WDR12: variants seen among roughly 807,000 people sequenced by gnomAD.
WDR12 encodes ribosome biogenesis protein WDR12.
Under a neutral mutation model 64.3 loss-of-function variants are expected in WDR12, and 42 were observed. The ratio of observed to expected loss-of-function variants is 0.65; its 90% confidence interval spans 0.51 to 0.84. The LOEUF is 0.84. WDR12 is among the 40% of genes least tolerant of loss of function. WDR12 has a pLI of 0.00. For synonymous variants in WDR12, 158 were observed against 173.3 expected, an observed-to-expected ratio of 0.91 and a Z score of 0.70; for missense variants, 469 against 494.6, an observed-to-expected ratio of 0.95 and a Z score of 0.49.
intron 6 of WDR12, among the ~76,000 whole-genome samples, chr2:202,895,746 TCTTGAA>T (rs1397396924): frequency 1.3e-5 from 2 of 150,052 alleles, no homozygotes; most frequent in Non-Finnish European, 3.0e-5. Context: ...GTCAGGCTGG[TCTTGAA>T]CTCCTGACCT....
Position 202,890,334 on chromosome 2 carries a change from T to C in WDR12, c.741+2283A>G, listed in dbSNP as rs1688132779. On this transcript the variant is annotated intron_variant, in intron 8 of 12. Transcript: ENST00000261015. ...ATGAAATTTTAAAAATAGGTAAAACTAATCTAAGATGGCACAACTCAAAAG... is the reference window on the plus strand; with the variant it reads ...ATGAAATTTTAAAAATAGGTAAAACCAATCTAAGATGGCACAACTCAAAAG... 3.9e-5 allele frequency among the ~76,000 whole-genome samples: 6 copies of C among 152,176 alleles called. No individual in the cohort carries two copies. In the South Asian group the frequency reaches 1.2e-3, roughly 31 times the overall value.
At chr2:202,887,594 A>C (rs1267065877) in intron 8 of WDR12, among the ~76,000 whole-genome samples, 2 of 152,314 alleles carry the variant, frequency 1.3e-5, no homozygotes, top group African/African-American at 4.8e-5. Context: ...CTAGAATAGA[A>C]AATGACATGG....
intron 1 of WDR12, among the ~76,000 whole-genome samples, chr2:202,909,433 CAA>C (rs1011534097): frequency 7.9e-5 from 12 of 152,058 alleles, no homozygotes; most frequent in Non-Finnish European, 1.8e-4. Context: ...AAGCCAGTCA[CAA>C]AAGATCACAT....
chr2:202,903,443 A>AAGGAAGGAAG, intron 2 of WDR12, among the ~76,000 whole-genome samples: 1 of 115,298 alleles, frequency 8.7e-6, no homozygotes, highest in African/African-American at 3.6e-5. Context: ...TAGAGCAATC[A>AAGGAAGGAAG]GATGGAAGGA....
chr2:202,900,025 GA>G (rs1323317000), intron 3 of WDR12, among the ~76,000 whole-genome samples: 1 of 152,052 alleles, frequency 6.6e-6, no homozygotes, highest in Non-Finnish European at 1.5e-5. Context: ...AAATGGGGGG[GA>G]AAGGAATATA....
intron 12 of WDR12, among the ~76,000 whole-genome samples, chr2:202,881,836 A>T (rs1284639533): frequency 6.6e-6 from 1 of 152,088 alleles, no homozygotes; most frequent in African/African-American, 2.4e-5. Context: ...CCTGGGCAAT[A>T]AAGGACCTTG....
intron 3 of WDR12, among the ~76,000 whole-genome samples, chr2:202,900,781 CAA>C (rs1357318703): frequency 6.6e-6 from 1 of 151,732 alleles, no homozygotes; most frequent in African/African-American, 2.4e-5. Flanking sequence ...AACACTCTCA[CAA>C]AAAAAGAGGG....
At chr2:202,881,007 TAATTA>T in intron 12 of WDR12, 70 bp from the exon 13 acceptor site, 3 of 1,302,358 alleles carry the variant, frequency 2.3e-6, no homozygotes, top group Non-Finnish European at 3.1e-6. Context: ...TAGCTAAACC[TAATTA>T]AATACTAATG....
intron 8 of WDR12, among the ~76,000 whole-genome samples, chr2:202,885,307 C>A (rs558282765): frequency 6.1e-4 from 93 of 152,260 alleles, no homozygotes; most frequent in African/African-American, 2.1e-3. Flanking sequence ...TTTCATGTAA[C>A]GTGTTGCGTG....
intron 1 of WDR12, among the ~76,000 whole-genome samples, chr2:202,908,944 T>C (rs1382920880): frequency 6.6e-6 from 1 of 152,222 alleles, no homozygotes; most frequent in Non-Finnish European, 1.5e-5. Context: ...GACATGCAAA[T>C]GCTCATCATT....
rs879396007 is a variant in WDR12 at position 202,880,766 on chromosome 2, AG to A, written c.*93del. 3 of 1,075,568 alleles carry A rather than the reference AG, an allele frequency of 2.8e-6. No individual in the cohort carries two copies. In the African/African-American group the frequency reaches 4.8e-5, roughly 17 times the overall value. 66.6% of individuals were successfully genotyped at this position (1,075,568 alleles called of 1,614,324 possible). ...GTGAAAACATTATATAAACTTCAAA[AG>A]GCTGCTTTCTGCATCTGCATCTATG... On this transcript the variant is annotated 3_prime_UTR_variant, in exon 13 of 13. Transcript: ENST00000261015.
chr2:202,894,686 C>CTGTTGTAGGCA, intron 6 of WDR12, 60 bp from the exon 7 acceptor site: 13 of 1,407,420 alleles, frequency 9.2e-6, no homozygotes, highest in Non-Finnish European at 1.3e-5. Flanking sequence ...TATTTGCCTA[C>CTGTTGTAGGCA]AACAGTAGGT....
At chr2:202,902,063 A>G (rs545206800) in intron 2 of WDR12, among the ~76,000 whole-genome samples, 2 of 152,322 alleles carry the variant, frequency 1.3e-5, no homozygotes, top group South Asian at 4.1e-4. Flanking sequence ...GAGAACCAAT[A>G]CTGTACTTAC....
At position 202,876,308 on chromosome 2, in the gene WDR12, C is replaced by T. The variant is rs1168211630; in HGVS notation, c.*4552G>A. 1 of 152,188 alleles carries T rather than the reference C, an allele frequency of 6.6e-6. No homozygotes were observed. The highest frequency in any genetic ancestry group is 1.5e-5 in the Non-Finnish European group (1 of 68,046). 9.4% of individuals were successfully genotyped at this position (152,188 alleles called of 1,614,324 possible). A position where few individuals can be genotyped will look rare whatever the true frequency, so the allele number is the denominator to read the frequency against. ...TCAGGAAGCTGGGGCAGGAGGATCC[C>T]TTGAACCCAGGAGTTGAGCCTGGAT... On this transcript the variant is annotated 3_prime_UTR_variant, in exon 13 of 13. Transcript: ENST00000261015.
At chr2:202,897,908 A>AAAT (rs1466552102) in intron 4 of WDR12, among the ~76,000 whole-genome samples, 1 of 40,054 alleles carries the variant, frequency 2.5e-5, no homozygotes, top group African/African-American at 7.3e-5. Flanking sequence ...AAAAAAAAAA[A>AAAT]ATATATATAT....
intron 4 of WDR12, 113 bp from the exon 5 acceptor site, chr2:202,897,528 G>A (rs1381421151): frequency 2.0e-6 from 1 of 508,414 alleles, no homozygotes; most frequent in African/African-American, 2.1e-5. Context: ...ACTCTTTTTT[G>A]ATATGAAGAT....
chr2:202,890,131 G>C (rs778236367), intron 8 of WDR12, among the ~76,000 whole-genome samples: 5 of 151,898 alleles, frequency 3.3e-5, no homozygotes, highest in African/African-American at 4.8e-5. Flanking sequence ...AGGAGGCTGG[G>C]GTGGGAAGAT....
intron 4 of WDR12, among the ~76,000 whole-genome samples, chr2:202,898,316 A>C (rs1486236616): frequency 6.6e-6 from 1 of 152,060 alleles, no homozygotes; most frequent in Non-Finnish European, 1.5e-5. Flanking sequence ...ATACCTGGCT[A>C]ATTTTTTATA....
rs1464692774 is a variant in WDR12 at position 202,882,779 on chromosome 2, T to C, written c.1126A>G (p.Lys376Glu). The stretch of plus-strand genomic sequence containing the variant: ...GCAGCCAGATCATAGAGAGGAGCCT[T>C]ACAACTAAAAGATGAAAATATTAAC... ...IVKLWDTRSC[K>E]APLYDLAAHE... Residue 376 changes from lysine (K) to glutamate (E), a missense_variant, in exon 12 of 13, where the codon AAG becomes GAG. Physicochemically the swap from Lys to Glu is moderately conservative, Grantham distance 56. Coordinates refer to ENST00000261015, the MANE Select transcript of WDR12 (RefSeq NM_018256.4). 1.9e-6 allele frequency: 3 copies of C among 1,613,876 alleles called. No homozygotes were observed. The South Asian group carries it at 3.3e-5, about 18-fold the overall frequency.
Sources: allele counts gnomAD v4.1 joint callset (sites outside exome capture counted in the v4.1 genomes callset), GRCh38; gene constraint gnomAD v4.1.1; transcripts MANE v1.5; gene names NCBI Gene and HGNC (gene_info 2026-07-23, HGNC 2026-07-21).